ATP13A3: variants seen among roughly 807,000 people sequenced by gnomAD.
ATP13A3 encodes polyamine-transporting ATPase 13A3.
ATP13A3 carries 59 observed loss-of-function variants against 158.1 expected under a neutral mutation model. That is an observed-to-expected ratio of 0.37 (90% CI 0.30 to 0.46). The LOEUF is 0.46. ATP13A3 is among the 20% of genes least tolerant of loss of function. The probability of loss-of-function intolerance (pLI) is 1.00; values close to 1 mark genes in which losing one functional copy is unlikely to be tolerated. For missense variants in ATP13A3, 1,166 were observed against 1,525.2 expected, an observed-to-expected ratio of 0.76 and a Z score of 3.92; for synonymous variants, 491 against 504.3, an observed-to-expected ratio of 0.97 and a Z score of 0.35.
In ATP13A3 at chr3:194,430,063, T is replaced by A; in HGVS notation, c.2777+9A>T. The A allele has an allele frequency of 6.3e-7, 1 of 1,598,034 alleles. No individual in the cohort carries two copies. The highest frequency in any genetic ancestry group is 8.5e-7 in the Non-Finnish European group (1 of 1,171,934). ...AAAAAGGGATGAGAAAAATTTTAAT[T>A]TGTACTACCTGATAAGGTTTGGCAC... On this transcript the variant is annotated intron_variant, in intron 26 of 33. Transcript: ENST00000645319.
intron 2 of ATP13A3, among the ~76,000 whole-genome samples, chr3:194,480,796 TG>T (rs1359180548): frequency 2.0e-5 from 3 of 152,228 alleles, no homozygotes; most frequent in African/African-American, 7.2e-5. Context: ...TGAATAATGA[TG>T]ATAGTATGCC....
chr3:194,447,812 AATTGAGGTTCAAACCCT>A (rs1718507656), intron 13 of ATP13A3, 23 bp downstream of exon 13: 1 of 1,507,182 alleles, frequency 6.6e-7, no homozygotes, highest in African/African-American at 1.4e-5. Context: ...TATGATAAAT[AATTGAGGTTCAAACCCT>A]ATTAAGAGTC....
rs1291979539 is a variant in ATP13A3, at chr3:194,459,547, G to A, written c.409-6C>T. 1.3e-6 allele frequency: 2 copies of A among 1,596,722 alleles called. No individual in the cohort carries two copies. Among genetic ancestry groups the A allele is most frequent in the African/African-American group, 2.7e-5 (2 of 74,320 alleles). Reference sequence around the variant, plus strand: ...TGGTGGGTGAAATAACGAATCTGTGGAACACAAATAAACGTTACACCAAAA... The same window carrying A: ...TGGTGGGTGAAATAACGAATCTGTGAAACACAAATAAACGTTACACCAAAA... On this transcript the variant is annotated splice_polypyrimidine_tract_variant and splice_region_variant and intron_variant, in intron 5 of 33. Transcript: ENST00000645319.
chr3:194,414,857 G>T (rs1426064368), intron 31 of ATP13A3, among the ~76,000 whole-genome samples: 1 of 152,222 alleles, frequency 6.6e-6, no homozygotes. Context: ...GAACACCCAA[G>T]TAACAGTCAA....
chr3:194,489,861 G>T (rs1481636249), upstream of ATP13A3, among the ~76,000 whole-genome samples: 1 of 152,100 alleles, frequency 6.6e-6, no homozygotes, highest in African/African-American at 2.4e-5. This position sits in a 1 kb window ranked among gnomAD's most constrained non-coding sequence, Gnocchi z 4.1. Flanking sequence ...GGGAAAAGAA[G>T]GTGCAAGAAA....
chr3:194,417,441 ACAC>A (rs1286751585), intron 31 of ATP13A3, among the ~76,000 whole-genome samples: 3 of 150,894 alleles, frequency 2.0e-5, no homozygotes, highest in African/African-American at 4.9e-5. Flanking sequence ...ACACACACAC[ACAC>A]AAAAGGAGGA....
chr3:194,454,664 A>G (rs1719083637), intron 8 of ATP13A3, among the ~76,000 whole-genome samples: 1 of 151,456 alleles, frequency 6.6e-6, no homozygotes, highest in African/African-American at 2.4e-5. Flanking sequence ...TGTCTCTACT[A>G]AAAAATACAA....
rs1721178187 is a variant in ATP13A3, at chr3:194,494,126, C to T, written n.670G>A. On this transcript the variant is annotated non_coding_transcript_exon_variant, in exon 2 of 33. Coordinates refer to the ATP13A3 transcript ENST00000687055. This position sits in a 1 kb window ranked among gnomAD's most constrained non-coding sequence, Gnocchi z 4.2. ...TCTTGACCACTATAACCAAATGAAG[C>T]CAGAGTGATTCACCAGAATGAGTTC... is the stretch of plus-strand genomic sequence containing the variant. The T allele has an allele frequency of 2.5e-6, 1 of 398,552 alleles. No individual in the cohort carries two copies. 24.7% of individuals were successfully genotyped at this position (398,552 alleles called of 1,614,324 possible). A position where few individuals can be genotyped will look rare whatever the true frequency, so the allele number is the denominator to read the frequency against.
At chr3:194,433,259 C>A (rs1466717920) in intron 21 of ATP13A3, among the ~76,000 whole-genome samples, 9 of 108,528 alleles carry the variant, frequency 8.3e-5, no homozygotes, top group African/African-American at 2.8e-4. Flanking sequence ...TTTTTTGAGA[C>A]GGAGTCTCGC....
At chr3:194,434,681 C>T (rs1432559007) in intron 20 of ATP13A3, among the ~76,000 whole-genome samples, 1 of 152,158 alleles carries the variant, frequency 6.6e-6, no homozygotes, top group Non-Finnish European at 1.5e-5. Context: ...CTTTGGGAGG[C>T]TGAAATAGGA....
intron 33 of ATP13A3, among the ~76,000 whole-genome samples, chr3:194,410,323 A>AAAAAC (rs1560066796): frequency 1.4e-5 from 2 of 144,226 alleles, no homozygotes; most frequent in African/African-American, 5.4e-5. Context: ...AAAAAAAAAA[A>AAAAAC]AAAAAAAACT....
Position 194,431,757 on chromosome 3 carries a change from G to C in ATP13A3, c.2381C>G (p.Ser794Cys), listed in dbSNP as rs1480165427. 1 of 1,611,198 alleles carries C rather than the reference G, an allele frequency of 6.2e-7. No homozygotes were observed. The highest frequency in any genetic ancestry group is 2.2e-5 in the East Asian group (1 of 44,662). ...TGATGGATGACTGCACTGCGTGAGG[G>C]AGTCTGCATAATGCCAATTTATTTT... ...VAKINWHYAD[S>C]LTQCSHPSAI... is the part of the protein sequence containing the mutation. The change falls in exon 22 of 34, where the codon TCC (serine) becomes TGC (cysteine). Residue 794 changes from serine to cysteine, a missense_variant. Transcript: ENST00000645319.
At chr3:194,432,753 T>C (rs1717318294) in intron 21 of ATP13A3, among the ~76,000 whole-genome samples, 1 of 152,036 alleles carries the variant, frequency 6.6e-6, no homozygotes, top group African/African-American at 2.4e-5. Context: ...ATACAGACTT[T>C]CTCCATATTA....
chr3:194,479,068 T>C (rs184867902), intron 2 of ATP13A3, among the ~76,000 whole-genome samples: 246 of 152,304 alleles, frequency 1.6e-3, no homozygotes, highest in Non-Finnish European at 1.8e-3. Flanking sequence ...TGAGTCACTA[T>C]GGGCCGCACC....
intron 2 of ATP13A3, among the ~76,000 whole-genome samples, chr3:194,483,147 G>A (rs1433380375): frequency 6.6e-6 from 1 of 151,260 alleles, no homozygotes; most frequent in East Asian, 1.9e-4. Context: ...AGCCAGACAT[G>A]ATGGCACACA....
chr3:194,445,670 G>A (rs1410384945), intron 14 of ATP13A3, among the ~76,000 whole-genome samples: 1 of 152,144 alleles, frequency 6.6e-6, no homozygotes, highest in African/African-American at 2.4e-5. Flanking sequence ...TGAAATAATT[G>A]TAGCAGTATG....
At position 194,457,042 on chromosome 3, in the gene ATP13A3, T is replaced by C. The variant is rs186702479; in HGVS notation, c.560+52A>G. 154 of 1,355,846 alleles carry C rather than the reference T, an allele frequency of 1.1e-4. 3 individuals are homozygous for C. The Admixed American group carries it at 1.8e-3, about 16-fold the overall frequency. The allele number at this position is 1,355,846 out of a possible 1,614,324, so 84.0% of individuals were successfully genotyped here. A position where few individuals can be genotyped will look rare whatever the true frequency, so the allele number is the denominator to read the frequency against. On this transcript the variant is annotated intron_variant, in intron 7 of 33. Coordinates refer to ENST00000645319, the MANE Select transcript of ATP13A3 (RefSeq NM_001367549.1). Reference sequence around the variant, plus strand: ...ATGGTAAAGGGTTGATTATGTATACTACTGCTTTTAGGAATTTTGAGAAGA... The same window carrying C: ...ATGGTAAAGGGTTGATTATGTATACCACTGCTTTTAGGAATTTTGAGAAGA...
At chr3:194,412,357 T>C (rs952264513) in intron 32 of ATP13A3, 69 bp from the exon 33 acceptor site, 3 of 1,225,812 alleles carry the variant, frequency 2.4e-6, no homozygotes, top group Non-Finnish European at 3.5e-6. Flanking sequence ...TGCACCTTTT[T>C]AAAAAATCAC....
intron 7 of ATP13A3, 33 bp downstream of exon 7, chr3:194,457,061 G>A (rs1300806382): frequency 6.5e-7 from 1 of 1,529,078 alleles, no homozygotes; most frequent in Admixed American, 1.7e-5. Context: ...TAGGAATTTT[G>A]AGAAGATCTA....
Sources: gnomAD v4.1 joint callset for allele counts (sites outside exome capture counted in the v4.1 genomes callset) on GRCh38, gnomAD v4.1.1 for gene constraint, Gnocchi (gnomAD v3.1) non-coding constraint, MANE v1.5 for transcripts, NCBI Gene and HGNC (gene_info 2026-07-23, HGNC 2026-07-21) for gene names.